MRC1: variants seen among roughly 807,000 people sequenced by gnomAD.
MRC1 encodes the protein macrophage mannose receptor 1.
MRC1 carries 62 observed loss-of-function variants against 102.9 expected under a neutral mutation model. The observed-to-expected ratio is 0.60, with a 90% CI of 0.49 to 0.74. The LOEUF is 0.74. Among genes scored for constraint, MRC1 ranks in the 30% least tolerant of loss-of-function variants. The pLI is 0.00. For synonymous variants in MRC1, 457 were observed against 298.4 expected (o/e 1.53, Z -5.48); for missense variants, 1,237 against 862.8 (o/e 1.43, Z -5.43).
intron 4 of MRC1, among the ~76,000 whole-genome samples, chr10:17,840,290 G>T (rs1226641312): frequency 8.3e-6 from 1 of 120,048 alleles, no homozygotes; most frequent in East Asian, 2.5e-4. Context: ...AAGAGAAATT[G>T]ACTTTAAAAA....
At chr10:17,842,340 C>A (rs1487914818) in intron 5 of MRC1, among the ~76,000 whole-genome samples, 1 of 152,118 alleles carries the variant, frequency 6.6e-6, no homozygotes, top group Non-Finnish European at 1.5e-5. Context: ...CAAATAGATG[C>A]TAAAACACGA....
At chr10:17,844,740 C>T (rs1179370428) in intron 5 of MRC1, among the ~76,000 whole-genome samples, 3 of 152,182 alleles carry the variant, frequency 2.0e-5, no homozygotes, top group African/African-American at 7.2e-5. Context: ...ATTCCTCCCC[C>T]ATCTCATAGT....
chr10:17,821,274 C>T (rs1838391463), intron 1 of MRC1, among the ~76,000 whole-genome samples: 1 of 152,166 alleles, frequency 6.6e-6, no homozygotes, highest in African/African-American at 2.4e-5. Context: ...TAATGCGTAA[C>T]ATCCAAACTT....
At chr10:17,837,813 A>G (rs1838692438) in intron 4 of MRC1, among the ~76,000 whole-genome samples, 2 of 151,782 alleles carry the variant, frequency 1.3e-5, no homozygotes, top group African/African-American at 4.8e-5. Flanking sequence ...GTTGCCCAGG[A>G]TGGTTTTGAA....
chr10:17,855,296 G>T (rs1437283481), intron 8 of MRC1, among the ~76,000 whole-genome samples: 1 of 152,146 alleles, frequency 6.6e-6, no homozygotes, highest in Non-Finnish European at 1.5e-5. Context: ...ATGCGGCCGG[G>T]CCCAGTGGCT....
chr10:17,864,275 T>C (rs1833228677), intron 11 of MRC1, among the ~76,000 whole-genome samples: 1 of 152,028 alleles, frequency 6.6e-6, no homozygotes, highest in Non-Finnish European at 1.5e-5. Flanking sequence ...AGTGCCGGGG[T>C]TACAGGCATG....
chr10:17,863,470 T>C (rs1833214594), intron 10 of MRC1, 64 bp from the exon 11 acceptor site: 1 of 779,348 alleles, frequency 1.3e-6, no homozygotes, highest in Non-Finnish European at 2.4e-6. Flanking sequence ...TCCACGTTGA[T>C]AATTTTGAAA....
At chr10:17,832,616 C>A (rs1212120630) in intron 3 of MRC1, among the ~76,000 whole-genome samples, 2 of 148,188 alleles carry the variant, frequency 1.3e-5, no homozygotes, top group Non-Finnish European at 3.0e-5. Context: ...GAGACGGAGT[C>A]TCGCTCTGTC....
intron 3 of MRC1, among the ~76,000 whole-genome samples, chr10:17,827,936 T>C (rs1006880781): frequency 1.3e-5 from 2 of 152,182 alleles, no homozygotes; most frequent in South Asian, 2.1e-4. Flanking sequence ...GACTTTATAC[T>C]GTAGGCTTTG....
chr10:17,886,840 G>T (rs1470885937), intron 22 of MRC1, among the ~76,000 whole-genome samples: 1 of 152,178 alleles, frequency 6.6e-6, no homozygotes, highest in Non-Finnish European at 1.5e-5. Flanking sequence ...GGAGTAAATG[G>T]CTTTGAATAC....
chr10:17,834,632 A>G (rs1316216164), intron 4 of MRC1, among the ~76,000 whole-genome samples: 2 of 152,084 alleles, frequency 1.3e-5, no homozygotes, highest in African/African-American at 2.4e-5. Flanking sequence ...CAGGCTGGTC[A>G]TGAACTCCTG....
intron 22 of MRC1, among the ~76,000 whole-genome samples, chr10:17,886,347 C>CTTCTTCT (rs1833594539): frequency 2.0e-5 from 3 of 149,546 alleles, no homozygotes; most frequent in African/African-American, 7.5e-5. Flanking sequence ...TTCTTCTTTC[C>CTTCTTCT]CTCCCTCCCT....
chr10:17,908,540 G>A (rs1589198406), intron 28 of MRC1, among the ~76,000 whole-genome samples: 1 of 151,940 alleles, frequency 6.6e-6, no homozygotes. Context: ...CACATCCTCT[G>A]GTACAATGTT....
rs1419615013 is a variant in MRC1, at chr10:17,853,144, T to G, written c.1407+20T>G. ...GGCAAGGTAAGGCCACTTGAATGAC[T>G]GATATTTATAATGAAAGTCACGGGG... On this transcript the variant is annotated intron_variant, in intron 8 of 29. Coordinates refer to ENST00000569591, the MANE Select transcript of MRC1 (RefSeq NM_002438.4). The G allele has an allele frequency of 6.0e-5, 47 of 779,916 alleles. No homozygotes were observed. Among genetic ancestry groups the G allele is most frequent in the Non-Finnish European group, 9.6e-5 (40 of 417,264 alleles). The allele number at this position is 779,916 out of a possible 1,614,324, so 48.3% of individuals were successfully genotyped here.
rs1182713616 is a variant in MRC1, at chr10:17,879,751, G to A, written c.2649G>A (p.Val883=). The A allele has an allele frequency of 5.1e-6, 4 of 780,756 alleles. No homozygotes were observed. The highest frequency in any genetic ancestry group is 9.6e-6 in the Non-Finnish European group (4 of 417,972). 48.4% of individuals were successfully genotyped at this position (780,756 alleles called of 1,614,324 possible). A position where few individuals can be genotyped will look rare whatever the true frequency, so the allele number is the denominator to read the frequency against. ...TGGATGGAAGCAAAGTGGATTACGT[G>A]TCTTGGGCCACAGGTGAACCCAATT... ...AWMDGSKVDY[V]SWATGEPNFA... The change falls in exon 19 of 30, where the codon GTG becomes GTA. Residue 883 remains valine (V), a synonymous_variant. Coordinates refer to ENST00000569591, the MANE Select transcript of MRC1 (RefSeq NM_002438.4).
Position 17,878,098 on chromosome 10 carries a change from C to G in MRC1, c.2618+131C>G, listed in dbSNP as rs2130686704. The G allele has an allele frequency of 6.2e-6, 4 of 641,364 alleles. No individual in the cohort carries two copies. The South Asian group carries it at 7.7e-5, about 12-fold the overall frequency. The allele number at this position is 641,364 out of a possible 1,614,324, so 39.7% of individuals were successfully genotyped here. On this transcript the variant is annotated intron_variant, in intron 18 of 29. Coordinates refer to ENST00000569591, the MANE Select transcript of MRC1 (RefSeq NM_002438.4). ...ACAGCATTCTCAATTGAAAAAGCAA[C>G]TTGAAAAAAGGAATTTAAAATGATT... is the stretch of plus-strand genomic sequence containing the variant.
At chr10:17,884,796 C>A (rs1418474613) in intron 21 of MRC1, among the ~76,000 whole-genome samples, 2 of 152,196 alleles carry the variant, frequency 1.3e-5, no homozygotes, top group African/African-American at 4.8e-5. Context: ...ACCATATCAA[C>A]AGCCTAATGA....
At chr10:17,842,454 C>T (rs1264794436) in intron 5 of MRC1, among the ~76,000 whole-genome samples, 3 of 152,162 alleles carry the variant, frequency 2.0e-5, no homozygotes, top group African/African-American at 7.2e-5. Flanking sequence ...AGTGCTGTCA[C>T]TCAAGTCTTG....
chr10:17,906,864 T>C (rs1833902738), intron 26 of MRC1, 22 bp from the exon 27 acceptor site: 1 of 780,606 alleles, frequency 1.3e-6, no homozygotes, highest in African/African-American at 1.7e-5. Context: ...AGCTATCATA[T>C]TTATCCTTTT....
Sources: allele counts gnomAD v4.1 joint callset (sites outside exome capture counted in the v4.1 genomes callset), GRCh38; gene constraint gnomAD v4.1.1; transcripts MANE v1.5; gene names NCBI Gene and HGNC (gene_info 2026-07-23, HGNC 2026-07-21).